RAB3C: variants seen among roughly 807,000 people sequenced by gnomAD.
RAB3C encodes the protein RAB3C, member RAS oncogene family.
A neutral mutation model predicts 26.4 loss-of-function variants in RAB3C; 17 were observed. The ratio of observed to expected loss-of-function variants is 0.64; its 90% confidence interval spans 0.44 to 0.97. The LOEUF (loss-of-function observed/expected upper bound fraction) is 0.97. Among genes scored for constraint, RAB3C ranks in the 50% least tolerant of loss-of-function variants. RAB3C has a pLI of 0.00. For synonymous variants in RAB3C, 91 were observed against 95.9 expected, an observed-to-expected ratio of 0.95 and a Z score of 0.30; for missense variants, 242 against 281.9, an observed-to-expected ratio of 0.86 and a Z score of 1.01.
intron 2 of RAB3C, among the ~76,000 whole-genome samples, chr5:58,671,446 A>G (rs1232193646): frequency 6.6e-6 from 1 of 152,234 alleles, no homozygotes; most frequent in Non-Finnish European, 1.5e-5. Context: ...AATTGTTTCT[A>G]GTTAGGATTC....
intron 2 of RAB3C, among the ~76,000 whole-genome samples, chr5:58,719,361 G>C (rs774629654): frequency 6.6e-5 from 10 of 151,960 alleles, no homozygotes; most frequent in Admixed American, 1.3e-4. Context: ...CATCTTTCCT[G>C]AATTCACACA....
At chr5:58,705,845 T>G (rs1258549185) in intron 2 of RAB3C, among the ~76,000 whole-genome samples, 1 of 152,182 alleles carries the variant, frequency 6.6e-6, no homozygotes, top group East Asian at 1.9e-4. Context: ...TAAATTTTAC[T>G]CATTAATGTG....
intron 4 of RAB3C, among the ~76,000 whole-genome samples, chr5:58,843,678 C>T (rs890386246): frequency 3.3e-5 from 5 of 152,116 alleles, no homozygotes; most frequent in African/African-American, 1.2e-4. Context: ...TATGTCTTTC[C>T]TTGTGAGTAA....
At chr5:58,733,256 T>C (rs1240695250) in intron 3 of RAB3C, among the ~76,000 whole-genome samples, 1 of 152,114 alleles carries the variant, frequency 6.6e-6, no homozygotes, top group Non-Finnish European at 1.5e-5. Context: ...ACGCAGACCA[T>C]ATTCATGGAA....
intron 2 of RAB3C, among the ~76,000 whole-genome samples, chr5:58,665,969 A>G (rs181873400): frequency 6.6e-4 from 100 of 152,308 alleles, no homozygotes; most frequent in African/African-American, 2.4e-3. Flanking sequence ...ACTGAGGATC[A>G]TGAAGGCCAA....
chr5:58,584,958 C>G lies in RAB3C; in HGVS notation c.24+1726C>G, dbSNP rs547888708. The stretch of plus-strand genomic sequence containing the variant: ...GTGTTCACCAACTATGTAGTAGGCA[C>G]TGTGATTTTCTATTTTAGTCAAAAC... On this transcript the variant is annotated intron_variant, in intron 1 of 4. Transcript: ENST00000282878. Among the ~76,000 whole-genome samples the G allele has an allele frequency of 2.0e-5, 3 of 151,962 alleles. No homozygotes were observed. The South Asian group carries it at 6.2e-4, about 32-fold the overall frequency.
At chr5:58,676,503 C>A (rs180694608) in intron 2 of RAB3C, among the ~76,000 whole-genome samples, 1 of 150,804 alleles carries the variant, frequency 6.6e-6, no homozygotes, top group Non-Finnish European at 1.5e-5. Flanking sequence ...ACTCTGTTGC[C>A]AAAAAAAATA....
chr5:58,811,432 TA>T (rs1174639106), intron 3 of RAB3C, among the ~76,000 whole-genome samples: 3 of 152,022 alleles, frequency 2.0e-5, no homozygotes, highest in Admixed American at 6.6e-5. Context: ...GACAATCAAT[TA>T]AAAAAATGCT....
intron 2 of RAB3C, among the ~76,000 whole-genome samples, chr5:58,698,965 G>T (rs115892902): frequency 6.6e-6 from 1 of 152,024 alleles, no homozygotes; most frequent in South Asian, 2.1e-4. Context: ...GCTTTATTCC[G>T]TTGCTCACAA....
intron 2 of RAB3C, among the ~76,000 whole-genome samples, chr5:58,623,693 A>T (rs1746988246): frequency 6.6e-6 from 1 of 152,216 alleles, no homozygotes. Flanking sequence ...AATACAAAGG[A>T]TGGTACGGGC....
intron 3 of RAB3C, among the ~76,000 whole-genome samples, chr5:58,728,435 A>G (rs1740934802): frequency 6.6e-6 from 1 of 152,100 alleles, no homozygotes; most frequent in East Asian, 1.9e-4. Flanking sequence ...CCTATTGCCA[A>G]TGTGTTAATC....
chr5:58,607,975 A>G (rs1421713391), intron 1 of RAB3C, among the ~76,000 whole-genome samples: 1 of 152,220 alleles, frequency 6.6e-6, no homozygotes, highest in East Asian at 1.9e-4. Context: ...CCACTGCAAA[A>G]ACATCCCAAA....
rs1215281337 is a variant in RAB3C, at chr5:58,854,468, G to A, written c.*3117G>A. 1 of 152,186 alleles carries A rather than the reference G, an allele frequency of 6.6e-6. No individual in the cohort carries two copies. Among genetic ancestry groups the A allele is most frequent in the African/African-American group, 2.4e-5 (1 of 41,446 alleles). The allele number at this position is 152,186 out of a possible 1,614,324, so 9.4% of individuals were successfully genotyped here. ...AATCAGCATTTCAGTTTTTGGAGAT[G>A]GGGATGGAAGTAGAAGGTGCACAAA... On this transcript the variant is annotated 3_prime_UTR_variant, in exon 5 of 5. Coordinates refer to ENST00000282878, the MANE Select transcript of RAB3C (RefSeq NM_138453.4).
At chr5:58,651,429 C>G (rs1747646191) in intron 2 of RAB3C, among the ~76,000 whole-genome samples, 1 of 152,014 alleles carries the variant, frequency 6.6e-6, no homozygotes, top group African/African-American at 2.4e-5. Context: ...GATATTCACT[C>G]CAGGGGGTGC....
At chr5:58,838,214 AC>A (rs1387405769) in intron 4 of RAB3C, among the ~76,000 whole-genome samples, 4 of 152,052 alleles carry the variant, frequency 2.6e-5, no homozygotes, top group African/African-American at 4.8e-5. Flanking sequence ...CCCCGTCTCT[AC>A]TAAAAATACA....
At chr5:58,657,604 A>G (rs568562754) in intron 2 of RAB3C, among the ~76,000 whole-genome samples, 45 of 152,272 alleles carry the variant, frequency 3.0e-4, no homozygotes, top group Non-Finnish European at 4.1e-4. Flanking sequence ...AGAAAGGGAA[A>G]GAATGGCAGA....
intron 2 of RAB3C, among the ~76,000 whole-genome samples, chr5:58,690,511 A>G (rs1748549260): frequency 6.6e-6 from 1 of 152,146 alleles, no homozygotes; most frequent in South Asian, 2.1e-4. Context: ...TGTTGGCTGC[A>G]ATAACCTAAC....
At chr5:58,687,817 CCT>C (rs1748477639) in intron 2 of RAB3C, among the ~76,000 whole-genome samples, 1 of 152,038 alleles carries the variant, frequency 6.6e-6, no homozygotes, top group South Asian at 2.1e-4. Flanking sequence ...ACACTAGTAT[CCT>C]TTCTAGTCAC....
intron 4 of RAB3C, among the ~76,000 whole-genome samples, chr5:58,830,955 A>G (rs1743600741): frequency 1.3e-5 from 2 of 152,000 alleles, no homozygotes; most frequent in African/African-American, 4.8e-5. Context: ...AGCTCACTGC[A>G]GCCTTGACCT....
Sources: allele counts gnomAD v4.1 joint callset (sites outside exome capture counted in the v4.1 genomes callset), GRCh38; gene constraint gnomAD v4.1.1; transcripts MANE v1.5; gene names NCBI Gene and HGNC (gene_info 2026-07-23, HGNC 2026-07-21).